The following SERHL2 variants were observed in gnomAD, a reference collection of about 807,000 sequenced individuals.
SERHL2 encodes the protein serine hydrolase-like protein 2.
A neutral mutation model predicts 25.5 loss-of-function variants in SERHL2; 29 were observed. The ratio of observed to expected loss-of-function variants is 1.14; its 90% confidence interval spans 0.85 to 1.55. The LOEUF is 1.55. Among genes scored for constraint, SERHL2 ranks in the 40% most tolerant of loss-of-function variants. SERHL2 has a pLI of 0.00. For missense variants in SERHL2, 240 were observed against 252.3 expected (o/e 0.95, Z 0.33); for synonymous variants, 95 against 103.5 (o/e 0.92, Z 0.50).
intron 8 of SERHL2, among the ~76,000 whole-genome samples, 164 bp from the exon 9 acceptor site, chr22:42,566,140 C>T (rs888608128): frequency 6.6e-6 from 1 of 152,054 alleles, no homozygotes; most frequent in Non-Finnish European, 1.5e-5. Context: ...CCTGCTCCAG[C>T]TGGACCCCAG....
At chr22:42,563,332 T>C in intron 8 of SERHL2, 1 of 323,304 alleles carries the variant, frequency 3.1e-6, no homozygotes, top group Non-Finnish European at 6.4e-6. Context: ...GCCTCTTGAG[T>C]AGCTGGGACC....
chr22:42,561,314 C>G (rs1158332241), intron 8 of SERHL2, among the ~76,000 whole-genome samples: 2 of 151,854 alleles, frequency 1.3e-5, no homozygotes, highest in African/African-American at 4.8e-5. Context: ...CTGACACTGC[C>G]AGCTCAGTGA....
rs768510509 is a variant in SERHL2, at chr22:42,560,177, T to TCC, written c.534-4_534-3dup. 2 of 1,607,030 alleles carry TCC rather than the reference T, an allele frequency of 1.2e-6. No individual in the cohort carries two copies. Among genetic ancestry groups the TCC allele is most frequent in the Non-Finnish European group, 1.7e-6 (2 of 1,174,140 alleles). On this transcript the variant is annotated splice_polypyrimidine_tract_variant and intron_variant, in intron 7 of 11. Transcript: ENST00000327678. ...TCCAGGCACCCAGCATCCTTCTGTC[T>TCC]CCCCCCAGGTTACTGAAGAGCAATA...
chr22:42,573,822 C>T (rs530050976), intron 11 of SERHL2, 114 bp from the exon 12 acceptor site: 48 of 943,192 alleles, frequency 5.1e-5, no homozygotes, highest in South Asian at 1.4e-4. Flanking sequence ...CTGTGGGAGG[C>T]GCTCCTGACC....
chr22:42,560,041 A>G, intron 7 of SERHL2, 145 bp from the exon 8 acceptor site: 1 of 633,902 alleles, frequency 1.6e-6, no homozygotes, highest in Non-Finnish European at 2.8e-6. Context: ...CAAACTCCTG[A>G]CCTCAGATGA....
intron 1 of SERHL2, among the ~76,000 whole-genome samples, chr22:42,554,652 G>A (rs549190949): frequency 6.6e-6 from 1 of 151,956 alleles, no homozygotes; most frequent in East Asian, 2.0e-4. Flanking sequence ...CCTGACCAGC[G>A]CCCCCGCCCC....
chr22:42,556,552 C>T lies in SERHL2; in HGVS notation c.387C>T (p.Ile129=), dbSNP rs1922177307. The T allele has an allele frequency of 6.2e-7, 1 of 1,607,930 alleles. No homozygotes were observed. The highest frequency in any genetic ancestry group is 8.5e-7 in the Non-Finnish European group (1 of 1,175,144). The change falls in exon 6 of 12, where the codon ATC becomes ATT. Residue 129 remains isoleucine (I), a synonymous_variant. Transcript: ENST00000327678. ...CTFPEMVDKL[I]LLDTPLFLLE... is the part of the protein sequence containing the mutation. ...TCCCCGAGATGGTGGATAAACTTATCTTGCTGGACACGCCGCTCTTTCTCC... is the reference window on the plus strand; with the variant it reads ...TCCCCGAGATGGTGGATAAACTTATTTTGCTGGACACGCCGCTCTTTCTCC...
At chr22:42,572,360 C>G in intron 10 of SERHL2, 76 bp from the exon 11 acceptor site, 1 of 1,106,200 alleles carries the variant, frequency 9.0e-7, no homozygotes, top group South Asian at 1.4e-5. Context: ...AGGCCTGAAC[C>G]CAGGGCAGGA....
At chr22:42,559,959 A>G (rs569522133) in intron 7 of SERHL2, among the ~76,000 whole-genome samples, 3 of 151,850 alleles carry the variant, frequency 2.0e-5, no homozygotes, top group South Asian at 4.2e-4. Context: ...TTACAGGCAC[A>G]TGCCACCATG....
intron 8 of SERHL2, among the ~76,000 whole-genome samples, chr22:42,560,883 G>A: frequency 6.6e-6 from 1 of 151,952 alleles, no homozygotes; most frequent in Admixed American, 6.5e-5. Context: ...CTACAGGTGT[G>A]AGCTACTGTG....
At chr22:42,573,629 A>G in intron 11 of SERHL2, 1 of 335,966 alleles carries the variant, frequency 3.0e-6, no homozygotes, top group South Asian at 3.9e-5. Flanking sequence ...ATCTTTTCTC[A>G]CGGGTACCTC....
chr22:42,565,976 T>A (rs950536156), intron 8 of SERHL2, among the ~76,000 whole-genome samples: 8 of 152,002 alleles, frequency 5.3e-5, no homozygotes, highest in African/African-American at 1.7e-4. Context: ...TCCTAGTGAC[T>A]AAAGGAATGA....
At chr22:42,567,173 G>A (rs1923501711) in intron 9 of SERHL2, among the ~76,000 whole-genome samples, 1 of 152,054 alleles carries the variant, frequency 6.6e-6, no homozygotes, top group African/African-American at 2.4e-5. Flanking sequence ...ATTAGAGGTG[G>A]GGACGCTCTA....
At chr22:42,561,330 G>A (rs1922653044) in intron 8 of SERHL2, among the ~76,000 whole-genome samples, 1 of 151,794 alleles carries the variant, frequency 6.6e-6, no homozygotes, top group Non-Finnish European at 1.5e-5. Flanking sequence ...AGTGATCTTG[G>A]GACAGTCCCT....
intron 11 of SERHL2, 67 bp downstream of exon 11, chr22:42,572,596 T>A: frequency 2.5e-6 from 4 of 1,580,270 alleles, no homozygotes. Flanking sequence ...CTCACCCATC[T>A]CTTCTCATGC....
At chr22:42,556,360 A>C in intron 5 of SERHL2, 154 bp from the exon 6 acceptor site, 1 of 610,780 alleles carries the variant, frequency 1.6e-6, no homozygotes, top group Non-Finnish European at 2.9e-6. Flanking sequence ...GGGGGAAGGC[A>C]CACCATAGAT....
intron 1 of SERHL2, among the ~76,000 whole-genome samples, chr22:42,554,464 GGA>G (rs938229188): frequency 1.3e-5 from 2 of 152,188 alleles, no homozygotes; most frequent in Non-Finnish European, 2.9e-5. Context: ...CTCTGTGGAG[GGA>G]GAGTGACAGT....
Position 42,560,177 on chromosome 22 carries a change from TC to T in SERHL2, c.534-3del, listed in dbSNP as rs768510509. On this transcript the variant is annotated splice_region_variant and splice_polypyrimidine_tract_variant and intron_variant, in intron 7 of 11. Coordinates refer to ENST00000327678, the MANE Select transcript of SERHL2 (RefSeq NM_014509.5). Reference sequence around the variant, plus strand: ...TCCAGGCACCCAGCATCCTTCTGTCTCCCCCCAGGTTACTGAAGAGCAATAG... The same window carrying T: ...TCCAGGCACCCAGCATCCTTCTGTCTCCCCCAGGTTACTGAAGAGCAATAG... 4 of 1,606,902 alleles carry T rather than the reference TC, an allele frequency of 2.5e-6. No individual in the cohort carries two copies. In the African/African-American group the frequency reaches 4.0e-5, roughly 16 times the overall value.
intron 9 of SERHL2, chr22:42,569,661 T>C (rs137043): frequency 0.85 from 129,429 of 151,796 alleles, 55,771 homozygotes; most frequent in East Asian, 1. Context: ...GGTCACACCC[T>C]GCTGTGAGAT....
Sources: gnomAD v4.1 joint callset for allele counts (sites outside exome capture counted in the v4.1 genomes callset) on GRCh38, gnomAD v4.1.1 for gene constraint, MANE v1.5 for transcripts, NCBI Gene and HGNC (gene_info 2026-07-23, HGNC 2026-07-21) for gene names.